AGFG1: variants seen among roughly 807,000 people sequenced by gnomAD.
The protein encoded by AGFG1 is arf-GAP domain and FG repeat-containing protein 1.
Under a neutral mutation model 60.6 loss-of-function variants are expected in AGFG1, and 10 were observed. The ratio of observed to expected loss-of-function variants is 0.16; its 90% CI spans 0.10 to 0.28. The LOEUF is 0.28. Ranked by LOEUF, AGFG1 falls within the 10% of genes least tolerant of loss-of-function variation. The probability of loss-of-function intolerance (pLI) is 1.00; values close to 1 mark genes in which losing one functional copy is unlikely to be tolerated. For missense variants in AGFG1, 537 were observed against 676.5 expected, an observed-to-expected ratio of 0.79 and a Z score of 2.29; for synonymous variants, 247 against 242.9, an observed-to-expected ratio of 1.02 and a Z score of -0.16.
At chr2:227,537,075 T>C (rs1692336135) in intron 10 of AGFG1, 82 bp downstream of exon 10, 4 of 1,196,100 alleles carry the variant, frequency 3.3e-6, no homozygotes, top group Non-Finnish European at 4.9e-6. Flanking sequence ...CACCAGAAAA[T>C]GGGGCCTCTT....
intron 2 of AGFG1, among the ~76,000 whole-genome samples, chr2:227,506,178 A>G (rs968613419): frequency 2.6e-5 from 4 of 152,106 alleles, no homozygotes; most frequent in Admixed American, 6.5e-5. Context: ...GTTTCTTTGT[A>G]TATGTAGTGC....
intron 2 of AGFG1, among the ~76,000 whole-genome samples, chr2:227,493,397 G>A (rs1218836766): frequency 1.3e-5 from 2 of 151,976 alleles, no homozygotes; most frequent in East Asian, 3.9e-4. Flanking sequence ...TCATATAAAT[G>A]GAATTACACA....
intron 6 of AGFG1, among the ~76,000 whole-genome samples, 181 bp from the exon 7 acceptor site, chr2:227,533,368 A>G (rs1692217557): frequency 6.6e-6 from 1 of 152,200 alleles, no homozygotes. Flanking sequence ...GGCCTTTGAA[A>G]AATCTACTTT....
chr2:227,487,717 A>C (rs369865020), intron 1 of AGFG1, among the ~76,000 whole-genome samples: 2 of 108,768 alleles, frequency 1.8e-5, no homozygotes, highest in East Asian at 6.4e-4. Context: ...GAGACTACTC[A>C]TGTTTTGGCA....
intron 2 of AGFG1, among the ~76,000 whole-genome samples, chr2:227,496,789 A>G (rs953250226): frequency 1.3e-5 from 2 of 152,244 alleles, no homozygotes; most frequent in African/African-American, 4.8e-5. Context: ...TAGAAGTTAT[A>G]AGAAGAATTA....
intron 3 of AGFG1, 117 bp downstream of exon 3, chr2:227,520,180 A>G (rs962174903): frequency 1.7e-6 from 1 of 585,942 alleles, no homozygotes; most frequent in Admixed American, 3.8e-5. Context: ...AGATAGGTAT[A>G]TAATTCATTA....
chr2:227,551,726 GTAGT>G (rs547563756), intron 10 of AGFG1, among the ~76,000 whole-genome samples: 93 of 152,248 alleles, frequency 6.1e-4, no homozygotes, highest in African/African-American at 1.9e-3. Flanking sequence ...AACAGCTTTA[GTAGT>G]TAGTTTCATT....
intron 5 of AGFG1, among the ~76,000 whole-genome samples, chr2:227,526,219 G>T (rs1691986561): frequency 6.6e-6 from 1 of 151,966 alleles, no homozygotes; most frequent in Non-Finnish European, 1.5e-5. Flanking sequence ...ATTTATTTGA[G>T]GTGGAGTCTC....
chr2:227,492,433 A>G (rs1282711541), intron 2 of AGFG1, among the ~76,000 whole-genome samples: 1 of 151,984 alleles, frequency 6.6e-6, no homozygotes, highest in Non-Finnish European at 1.5e-5. Context: ...CTTTAGTGGT[A>G]CTCTTCTGGT....
intron 11 of AGFG1, 26 bp from the exon 12 acceptor site, chr2:227,553,678 A>G (rs768627815): frequency 6.3e-7 from 1 of 1,582,332 alleles, no homozygotes; most frequent in Non-Finnish European, 8.7e-7. Context: ...GGTATGGGTT[A>G]TAATTGGTGG....
At chr2:227,546,616 G>A (rs1188405474) in intron 10 of AGFG1, among the ~76,000 whole-genome samples, 1 of 152,154 alleles carries the variant, frequency 6.6e-6, no homozygotes, top group African/African-American at 2.4e-5. Flanking sequence ...TGCCATCTTG[G>A]AACTCCCTTC....
rs57568043 is a variant in AGFG1 at position 227,552,862 on chromosome 2, G to A, written c.1537+745G>A. Among the ~76,000 whole-genome samples, 1,091 of 151,818 alleles carry A rather than the reference G, an allele frequency of 7.2e-3. 21 individuals carry two copies. The highest frequency in any genetic ancestry group is 0.025 in the African/African-American group (1,022 of 41,452). On this transcript the variant is annotated intron_variant, in intron 11 of 12. Coordinates refer to ENST00000310078, the MANE Select transcript of AGFG1 (RefSeq NM_004504.5). ...ACTAAAAATACAAAATTAGCCAGGC[G>A]TGGTGGCACATGCCTGTAATCCCAG...
intron 10 of AGFG1, among the ~76,000 whole-genome samples, chr2:227,538,328 G>A (rs1256330473): frequency 2.6e-5 from 4 of 152,132 alleles, no homozygotes; most frequent in Non-Finnish European, 5.9e-5. Context: ...ACTTGTGTTC[G>A]AATTCTGATT....
chr2:227,507,166 A>G (rs1288617842), intron 2 of AGFG1, among the ~76,000 whole-genome samples: 1 of 152,000 alleles, frequency 6.6e-6, no homozygotes, highest in African/African-American at 2.4e-5. Context: ...GAGGTTCTTT[A>G]AAGTTAAAAA....
chr2:227,544,869 T>C (rs1292041695), intron 10 of AGFG1, among the ~76,000 whole-genome samples: 5 of 152,158 alleles, frequency 3.3e-5, no homozygotes, highest in African/African-American at 1.2e-4. Context: ...AGCCCGACCT[T>C]TCTCTCTGGC....
At chr2:227,486,010 A>C (rs1690622056) in intron 1 of AGFG1, among the ~76,000 whole-genome samples, 1 of 152,188 alleles carries the variant, frequency 6.6e-6, no homozygotes, top group African/African-American at 2.4e-5. Flanking sequence ...TGATAGCTTA[A>C]ATTGAAAATG....
rs529016666 is a variant in AGFG1 at position 227,555,256 on chromosome 2, A to G, written c.*761A>G. Reference sequence around the variant, plus strand: ...TATAAAAAGGCCATGTAGAAAATTTATTAAAACTACTATGACTGCTACATT... The same window carrying G: ...TATAAAAAGGCCATGTAGAAAATTTGTTAAAACTACTATGACTGCTACATT... On this transcript the variant is annotated 3_prime_UTR_variant, in exon 13 of 13. Coordinates refer to ENST00000310078, the MANE Select transcript of AGFG1 (RefSeq NM_004504.5). 8.5e-5 allele frequency: 13 copies of G among 152,728 alleles called. No homozygotes were observed. The highest frequency in any genetic ancestry group is 1.8e-4 in the Non-Finnish European group (12 of 68,004). The allele number at this position is 152,728 out of a possible 1,614,324, so 9.5% of individuals were successfully genotyped here.
chr2:227,482,428 G>GT (rs1690497491), intron 1 of AGFG1, among the ~76,000 whole-genome samples: 1 of 152,182 alleles, frequency 6.6e-6, no homozygotes, highest in Non-Finnish European at 1.5e-5. Flanking sequence ...GGCATCAATA[G>GT]TTTGTAGATT....
intron 1 of AGFG1, 38 bp from the exon 2 acceptor site, chr2:227,491,509 A>G (rs1690815883): frequency 1.5e-6 from 2 of 1,294,580 alleles, no homozygotes; most frequent in Non-Finnish European, 2.1e-6. Context: ...AAAATGTGGT[A>G]TGTACTAGTA....
Sources: gnomAD v4.1 joint callset for allele counts (sites outside exome capture counted in the v4.1 genomes callset) on GRCh38, gnomAD v4.1.1 for gene constraint, MANE v1.5 for transcripts, NCBI Gene and HGNC (gene_info 2026-07-23, HGNC 2026-07-21) for gene names.